Variants in ATG4B observed in about 807,000 individuals in gnomAD.
ATG4B encodes cysteine protease ATG4B.
Under a neutral mutation model 56.6 loss-of-function variants are expected in ATG4B, and 29 were observed. That is an observed-to-expected ratio of 0.51 (90% CI 0.38 to 0.70). ATG4B has a LOEUF of 0.70. Ranked by LOEUF, ATG4B falls within the 30% of genes least tolerant of loss-of-function variation. ATG4B has a pLI of 0.00. For missense variants in ATG4B, 461 were observed against 515.5 expected (o/e 0.89, Z 1.02); for synonymous variants, 224 against 206.1 (o/e 1.09, Z -0.74).
rs1393217229 is a variant in ATG4B at position 241,655,134 on chromosome 2, T to G, written c.386-137T>G. ...CCCCCTCATGCCTCCCCCGATCTTG[T>G]TGGGGCATCCTTCCGTCTGGAGGCT... On this transcript the variant is annotated intron_variant, in intron 5 of 12. Transcript: ENST00000404914. The G allele has an allele frequency of 6.5e-6, 5 of 771,248 alleles. No individual in the cohort carries two copies. In the African/African-American group the frequency reaches 8.6e-5, roughly 13 times the overall value. The allele number at this position is 771,248 out of a possible 1,614,324, so 47.8% of individuals were successfully genotyped here. A position where few individuals can be genotyped will look rare whatever the true frequency, so the allele number is the denominator to read the frequency against.
chr2:241,653,483 A>G, intron 3 of ATG4B, 29 bp from the exon 4 acceptor site: 1 of 1,558,372 alleles, frequency 6.4e-7, no homozygotes, highest in Non-Finnish European at 8.7e-7. Flanking sequence ...TCTGGCCATG[A>G]GCACTTCTCT....
chr2:241,670,090 GGT>G (rs916550032), intron 10 of ATG4B, among the ~76,000 whole-genome samples: 2 of 152,238 alleles, frequency 1.3e-5, no homozygotes, highest in Admixed American at 1.3e-4. Context: ...GCGGCAGAAT[GGT>G]GTCTTCAGGG....
At chr2:241,654,008 A>G (rs1415525193) in intron 4 of ATG4B, among the ~76,000 whole-genome samples, 2 of 151,314 alleles carry the variant, frequency 1.3e-5, no homozygotes, top group Non-Finnish European at 3.0e-5. Context: ...AAAAAAAAAA[A>G]AAAGAAGAAG....
Position 241,654,610 on chromosome 2 carries a change from C to G in ATG4B, c.348C>G (p.Ile116Met), listed in dbSNP as rs910239574. 15 of 1,602,854 alleles carry G rather than the reference C, an allele frequency of 9.4e-6. No homozygotes were observed. Among genetic ancestry groups the G allele is most frequent in the Non-Finnish European group, 1.2e-5 (14 of 1,174,808 alleles). Reference sequence around the variant, plus strand: ...ACTTCAGCGTCCTCAACGCATTCATCGACAGGAAGGACAGTTACTACTCCA... The same window carrying G: ...ACTTCAGCGTCCTCAACGCATTCATGGACAGGAAGGACAGTTACTACTCCA... ...DSYFSVLNAF[I>M]DRKDSYYSIH... The change falls in exon 5 of 13, where the codon ATC (isoleucine) becomes ATG (methionine). Residue 116 changes from isoleucine (I) to methionine (M), a missense_variant. Coordinates refer to ENST00000404914, the MANE Select transcript of ATG4B (RefSeq NM_013325.5).
intron 1 of ATG4B, among the ~76,000 whole-genome samples, chr2:241,642,872 CTTTTTTTTTTTTTTT>C (rs1165718825): frequency 9.6e-6 from 1 of 104,258 alleles, no homozygotes; most frequent in Admixed American, 1.1e-4. Context: ...CCTCTCCGTC[CTTTTTTTTTTTTTTT>C]TTTTTTTTTT....
intron 1 of ATG4B, among the ~76,000 whole-genome samples, chr2:241,649,947 C>A (rs1353912280): frequency 6.6e-6 from 1 of 152,040 alleles, no homozygotes; most frequent in Non-Finnish European, 1.5e-5. Flanking sequence ...CCACGCCTGG[C>A]TAATTGTTGT....
intron 6 of ATG4B, among the ~76,000 whole-genome samples, chr2:241,656,786 C>A (rs2068417873): frequency 1.3e-5 from 2 of 152,266 alleles, no homozygotes; most frequent in African/African-American, 4.8e-5. Flanking sequence ...AGTGGTCCTT[C>A]AGGTGCTCAA....
intron 1 of ATG4B, among the ~76,000 whole-genome samples, chr2:241,639,548 G>A (rs543506750): frequency 6.6e-4 from 100 of 152,278 alleles, no homozygotes; most frequent in Non-Finnish European, 1.2e-3. Context: ...CTTGTCCCAC[G>A]TCCAAGAAGA....
chr2:241,649,953 G>A (rs974359668), intron 1 of ATG4B, among the ~76,000 whole-genome samples: 1 of 151,712 alleles, frequency 6.6e-6, no homozygotes, highest in Non-Finnish European at 1.5e-5. Flanking sequence ...CTGGCTAATT[G>A]TTGTACTTTT....
rs1227824430 is a variant in ATG4B at position 241,665,887 on chromosome 2, AGTCACTGTCACCTGTCACT to A, written c.539-735_539-717del. 1.6e-4 allele frequency among the ~76,000 whole-genome samples: 24 copies of A among 152,220 alleles called. No individual in the cohort carries two copies. The South Asian group carries it at 1.9e-3, about 12-fold the overall frequency. On this transcript the variant is annotated intron_variant, in intron 7 of 12. Coordinates refer to ENST00000404914, the MANE Select transcript of ATG4B (RefSeq NM_013325.5). The stretch of plus-strand genomic sequence containing the variant: ...ACCTGTCACCTGTCTGTCACCTGTC[AGTCACTGTCACCTGTCACT>A]GTCACTGTCACCTGTCACTGTCCAT...
At chr2:241,658,973 G>A (rs1045115954) in intron 6 of ATG4B, 135 bp from the exon 7 acceptor site, 21 of 610,940 alleles carry the variant, frequency 3.4e-5, no homozygotes, top group Middle Eastern at 4.6e-4. Context: ...GCTGTGCCCC[G>A]GATTTTAGGA....
At chr2:241,666,862 GC>G (rs1490257651) in intron 8 of ATG4B, 24 bp downstream of exon 8, 5 of 1,540,696 alleles carry the variant, frequency 3.2e-6, no homozygotes, top group Non-Finnish European at 4.4e-6. Flanking sequence ...TGCGGCGCTT[GC>G]CCTGAGTCCC....
chr2:241,663,807 G>A (rs1434269372), intron 7 of ATG4B, among the ~76,000 whole-genome samples: 2 of 146,416 alleles, frequency 1.4e-5, no homozygotes, highest in Admixed American at 6.9e-5. Flanking sequence ...ATAGCCAGAC[G>A]TCTATTTTTT....
At chr2:241,661,864 T>C (rs1012645217) in intron 7 of ATG4B, among the ~76,000 whole-genome samples, 3 of 152,110 alleles carry the variant, frequency 2.0e-5, no homozygotes, top group African/African-American at 7.2e-5. Context: ...CTAACGACAG[T>C]AGACAGAATG....
chr2:241,639,770 TAAAAC>T (rs1044542446), intron 1 of ATG4B, among the ~76,000 whole-genome samples: 13 of 152,042 alleles, frequency 8.6e-5, no homozygotes, highest in African/African-American at 2.7e-4. Context: ...CAAAAAAGGT[TAAAAC>T]AAAGTCACTA....
At chr2:241,650,244 A>G (rs1189492344) in intron 1 of ATG4B, among the ~76,000 whole-genome samples, 2 of 152,190 alleles carry the variant, frequency 1.3e-5, no homozygotes, top group East Asian at 1.9e-4. Flanking sequence ...TGTTGAAATG[A>G]AAACAGGTTC....
chr2:241,648,764 A>C (rs2068140244), intron 1 of ATG4B, among the ~76,000 whole-genome samples: 2 of 152,292 alleles, frequency 1.3e-5, no homozygotes, highest in South Asian at 4.1e-4. Context: ...CCCACAGCTG[A>C]GAATCCTTTA....
At chr2:241,637,973 C>G (rs934958335) in intron 1 of ATG4B, among the ~76,000 whole-genome samples, 4 of 151,632 alleles carry the variant, frequency 2.6e-5, no homozygotes, top group Non-Finnish European at 4.4e-5. Flanking sequence ...TCTGCTTTTC[C>G]GGTCCCGTCC....
chr2:241,656,837 G>A (rs1329515545), intron 6 of ATG4B, among the ~76,000 whole-genome samples: 2 of 152,232 alleles, frequency 1.3e-5, no homozygotes, highest in Non-Finnish European at 2.9e-5. Flanking sequence ...TTTTTGAGAC[G>A]GAGTCTCGCT....
Sources: allele counts gnomAD v4.1 joint callset (sites outside exome capture counted in the v4.1 genomes callset), GRCh38; gene constraint gnomAD v4.1.1; transcripts MANE v1.5; gene names NCBI Gene and HGNC (gene_info 2026-07-23, HGNC 2026-07-21).